Variants in CHN2 observed in about 807,000 individuals in gnomAD.
The protein encoded by CHN2 is beta-chimaerin.
Under a neutral mutation model 56.3 loss-of-function variants are expected in CHN2, and 35 were observed. The observed-to-expected ratio is 0.62, with a 90% CI of 0.47 to 0.82. The LOEUF is 0.82. Among genes scored for constraint, CHN2 ranks in the 40% least tolerant of loss-of-function variants. CHN2 has a pLI of 0.00. For synonymous variants in CHN2, 210 were observed against 212.8 expected (o/e 0.99, Z 0.12); for missense variants, 491 against 580.5 (o/e 0.85, Z 1.58).
chr7:29,240,816 T>TTCG (rs3046891), intron 1 of CHN2, among the ~76,000 whole-genome samples: 85,785 of 149,302 alleles, frequency 0.57, 25,802 homozygotes, highest in East Asian at 0.92. Context: ...CTTCTTCTTC[T>TTCG]TCGTCGTCGT....
chr7:29,147,044 T>C, intron 2 of CHN2: 2 of 1,526,184 alleles, frequency 1.3e-6, no homozygotes, highest in East Asian at 2.5e-5. Context: ...TGATGTGTTC[T>C]GTACCATTAT....
At position 29,200,475 on chromosome 7, in the gene CHN2, TC is replaced by T. The variant is rs1223230192; in HGVS notation, c.49+5494del. Reference sequence around the variant, plus strand: ...CTTCGCCCCTTCCCCCCTCCCCCCTTCCCCCCCCCTTTTGTCTCTTTTTCTT... The same window carrying T: ...CTTCGCCCCTTCCCCCCTCCCCCCTTCCCCCCCCTTTTGTCTCTTTTTCTT... On this transcript the variant is annotated intron_variant, in intron 1 of 12. Transcript: ENST00000222792. Among the ~76,000 whole-genome samples the T allele has an allele frequency of 6.4e-3, 285 of 44,532 alleles. 2 individuals are homozygous for T. The highest frequency in any genetic ancestry group is 0.02 in the Middle Eastern group (1 of 50). 29.2% of individuals were successfully genotyped at this position (44,532 alleles called of 152,430 possible).
At chr7:29,498,397 G>A (rs1789532258) in intron 8 of CHN2, among the ~76,000 whole-genome samples, 2 of 152,162 alleles carry the variant, frequency 1.3e-5, no homozygotes, top group African/African-American at 2.4e-5. Context: ...TATTATTGAA[G>A]TCACTTGAGC....
At chr7:29,403,037 C>G (rs1432485591) in intron 6 of CHN2, among the ~76,000 whole-genome samples, 1 of 152,008 alleles carries the variant, frequency 6.6e-6, no homozygotes, top group South Asian at 2.1e-4. Flanking sequence ...GGACGGGTGT[C>G]GGTGGTGTGG....
At chr7:29,327,501 C>A (rs1795899121) in intron 1 of CHN2, among the ~76,000 whole-genome samples, 1 of 152,134 alleles carries the variant, frequency 6.6e-6, no homozygotes, top group East Asian at 1.9e-4. Flanking sequence ...ATATTTAATT[C>A]TTTTCCATTT....
At chr7:29,409,306 A>G (rs1802966685) in intron 6 of CHN2, among the ~76,000 whole-genome samples, 1 of 152,230 alleles carries the variant, frequency 6.6e-6, no homozygotes, top group Non-Finnish European at 1.5e-5. Flanking sequence ...AAATCTTGAT[A>G]TTTATGGTAT....
At chr7:29,177,088 T>C (rs965276600) in intron 2 of CHN2, among the ~76,000 whole-genome samples, 25 of 152,358 alleles carry the variant, frequency 1.6e-4, no homozygotes, top group African/African-American at 5.8e-4. Flanking sequence ...AGATAAAATA[T>C]TTTTAGTTTA....
chr7:29,260,679 C>T (rs1462829840), intron 1 of CHN2, among the ~76,000 whole-genome samples: 1 of 152,164 alleles, frequency 6.6e-6, no homozygotes, highest in South Asian at 2.1e-4. Context: ...TCAGTGTTTC[C>T]TCTTACTACC....
At chr7:29,172,762 TTAA>T (rs1266445492) in intron 2 of CHN2, among the ~76,000 whole-genome samples, 5 of 152,162 alleles carry the variant, frequency 3.3e-5, no homozygotes, top group African/African-American at 1.2e-4. Flanking sequence ...CCTTAACATT[TTAA>T]TATTATAAAA....
intron 2 of CHN2, among the ~76,000 whole-genome samples, chr7:29,179,982 C>T (rs1316941187): frequency 6.6e-6 from 1 of 152,134 alleles, no homozygotes; most frequent in African/African-American, 2.4e-5. Context: ...CTTGTATTTT[C>T]AAATGATTAT....
intron 6 of CHN2, among the ~76,000 whole-genome samples, chr7:29,450,735 A>C (rs529779833): frequency 1.3e-5 from 2 of 152,198 alleles, no homozygotes; most frequent in African/African-American, 4.8e-5. Context: ...ACTAATACAG[A>C]TGTATTCATC....
intron 2 of CHN2, among the ~76,000 whole-genome samples, chr7:29,153,588 G>C (rs1230598248): frequency 1.3e-5 from 2 of 151,912 alleles, no homozygotes; most frequent in African/African-American, 4.8e-5. Context: ...TTTTCTTTTA[G>C]ACAGAGTCTC....
chr7:29,198,267 G>C (rs1404628292), intron 1 of CHN2, among the ~76,000 whole-genome samples: 3 of 152,226 alleles, frequency 2.0e-5, no homozygotes, highest in Non-Finnish European at 4.4e-5. Flanking sequence ...AGCTGCGGGA[G>C]ATTTAGGTAT....
chr7:29,229,560 G>A (rs181649292), intron 1 of CHN2, among the ~76,000 whole-genome samples: 1 of 152,274 alleles, frequency 6.6e-6, no homozygotes, highest in African/African-American at 2.4e-5. Context: ...TTTTCGTTTG[G>A]TTTATCACCA....
At chr7:29,368,623 T>C (rs2128041621) in intron 3 of CHN2, among the ~76,000 whole-genome samples, 1 of 152,278 alleles carries the variant, frequency 6.6e-6, no homozygotes, top group African/African-American at 2.4e-5. Flanking sequence ...TTACTTTTGC[T>C]ATTAATGGGA....
intron 7 of CHN2, among the ~76,000 whole-genome samples, chr7:29,485,550 G>A (rs1409555295): frequency 1.3e-5 from 2 of 152,184 alleles, no homozygotes; most frequent in Non-Finnish European, 2.9e-5. Flanking sequence ...AATCCTCGTG[G>A]GTAGGTGGAA....
chr7:29,421,541 A>C (rs1206376244), intron 6 of CHN2, among the ~76,000 whole-genome samples: 1 of 152,168 alleles, frequency 6.6e-6, no homozygotes, highest in Non-Finnish European at 1.5e-5. Context: ...GGGACAACCA[A>C]AGCTCCTTGA....
chr7:29,300,244 A>T (rs1793551828), intron 1 of CHN2, among the ~76,000 whole-genome samples: 1 of 152,152 alleles, frequency 6.6e-6, no homozygotes, highest in Non-Finnish European at 1.5e-5. Context: ...AGGATGAGGG[A>T]ACCAGATGCA....
intron 1 of CHN2, among the ~76,000 whole-genome samples, chr7:29,273,358 T>C (rs1228977620): frequency 7.4e-5 from 6 of 81,362 alleles, no homozygotes; most frequent in African/African-American, 2.9e-4. Flanking sequence ...TATATATATA[T>C]ATATATATAT....
Sources: allele counts gnomAD v4.1 joint callset (sites outside exome capture counted in the v4.1 genomes callset), GRCh38; gene constraint gnomAD v4.1.1; transcripts MANE v1.5; gene names NCBI Gene and HGNC (gene_info 2026-07-23, HGNC 2026-07-21).